The following SNX10 variants were observed in gnomAD, a reference collection of about 807,000 sequenced individuals.
The protein encoded by SNX10 is sorting nexin-10.
SNX10 carries 25 observed loss-of-function variants against 28.5 expected under a neutral mutation model. The ratio of observed to expected loss-of-function variants is 0.88; its 90% CI spans 0.64 to 1.22. SNX10 has a LOEUF of 1.22. Among genes scored for constraint, SNX10 ranks in the 50% most tolerant of loss-of-function variants. The pLI, the probability that SNX10 is intolerant of heterozygous loss-of-function variation, is 0.00. For synonymous variants in SNX10, 62 were observed against 81.4 expected, an observed-to-expected ratio of 0.76 and a Z score of 1.28; for missense variants, 223 against 242.6, an observed-to-expected ratio of 0.92 and a Z score of 0.54.
chr7:26,355,415 A>G (rs1788780926), intron 2 of SNX10, among the ~76,000 whole-genome samples: 1 of 152,152 alleles, frequency 6.6e-6, no homozygotes, highest in Non-Finnish European at 1.5e-5. Context: ...ATTTGGGGAG[A>G]ATTTCTCTCT....
chr7:26,293,663 A>G (rs1786008780), intron 1 of SNX10, among the ~76,000 whole-genome samples: 1 of 152,198 alleles, frequency 6.6e-6, no homozygotes, highest in Admixed American at 6.5e-5. Context: ...TGTTTCTTCT[A>G]CCAGTCCATT....
chr7:26,299,931 C>T (rs1196730506), intron 1 of SNX10, among the ~76,000 whole-genome samples: 1 of 151,952 alleles, frequency 6.6e-6, no homozygotes, highest in African/African-American at 2.4e-5. Flanking sequence ...AATAGAAAAG[C>T]CGGGCATGGT....
intron 5 of SNX10, among the ~76,000 whole-genome samples, chr7:26,369,464 T>TATCTG (rs1237816635): frequency 6.6e-6 from 1 of 152,232 alleles, no homozygotes; most frequent in Non-Finnish European, 1.5e-5. Flanking sequence ...CAGAATGAAC[T>TATCTG]ATCTGACTAA....
rs34096499 is a variant in SNX10, at chr7:26,307,680, C to CT, written c.-24+15607dup. 4.8e-3 allele frequency among the ~76,000 whole-genome samples: 695 copies of CT among 144,034 alleles called. 6 individuals are homozygous for CT. Among genetic ancestry groups the CT allele is most frequent in the African/African-American group, 0.013 (523 of 39,986 alleles). The allele number at this position is 144,034 out of a possible 152,430, so 94.5% of individuals were successfully genotyped here. A position where few individuals can be genotyped will look rare whatever the true frequency, so the allele number is the denominator to read the frequency against. On this transcript the variant is annotated intron_variant, in intron 1 of 6. Coordinates refer to ENST00000338523, the MANE Select transcript of SNX10 (RefSeq NM_013322.3). ...TTGCCATGTTGCCCAGGCTAGCATT[C>CT]TTTTTTTTTTTTTAATAGTCTTTAT...
chr7:26,328,806 C>G (rs1787610714), intron 1 of SNX10, among the ~76,000 whole-genome samples: 1 of 152,228 alleles, frequency 6.6e-6, no homozygotes, highest in Non-Finnish European at 1.5e-5. Flanking sequence ...ATGTTTGTCT[C>G]CTTCTCCTGC....
At chr7:26,313,564 G>A (rs909251058) in intron 1 of SNX10, among the ~76,000 whole-genome samples, 1 of 152,092 alleles carries the variant, frequency 6.6e-6, no homozygotes, top group Non-Finnish European at 1.5e-5. Context: ...TGTTAACAAA[G>A]GGTTAAATAA....
intron 1 of SNX10, among the ~76,000 whole-genome samples, chr7:26,322,288 G>A (rs1337360557): frequency 6.6e-6 from 1 of 152,170 alleles, no homozygotes; most frequent in African/African-American, 2.4e-5. Context: ...GCACAGGATT[G>A]CTAACTTTTT....
chr7:26,363,399 G>A lies in SNX10; in HGVS notation c.112-1136G>A, dbSNP rs1220463970. The stretch of plus-strand genomic sequence containing the variant: ...ATTTCCCAAGGAAAACAATCGCTGG[G>A]CATATTAAGTGATAGAATAATAATT... On this transcript the variant is annotated intron_variant, in intron 3 of 6. Transcript: ENST00000338523. Among the ~76,000 whole-genome samples the A allele has an allele frequency of 3.3e-5, 5 of 152,258 alleles. 1 individual carries two copies. In the South Asian group the frequency reaches 1.0e-3, roughly 32 times the overall value.
intron 1 of SNX10, among the ~76,000 whole-genome samples, chr7:26,338,130 T>TC (rs1788010810): frequency 7.4e-6 from 1 of 134,498 alleles, no homozygotes; most frequent in South Asian, 2.6e-4. Context: ...TTTTTTTTTT[T>TC]CTGTGAGACA....
At chr7:26,363,149 A>G (rs1335313298) in intron 3 of SNX10, among the ~76,000 whole-genome samples, 2 of 152,160 alleles carry the variant, frequency 1.3e-5, no homozygotes, top group Non-Finnish European at 2.9e-5. Context: ...CTGGTGTGTT[A>G]TAAGTCCACC....
In SNX10 at chr7:26,345,636, T is replaced by C. The variant is rs143007436; in HGVS notation, c.-23-784T>C. Among the ~76,000 whole-genome samples, 13 of 152,236 alleles carry C rather than the reference T, an allele frequency of 8.5e-5. 1 individual carries two copies. In the East Asian group the frequency reaches 2.5e-3, roughly 29 times the overall value. On this transcript the variant is annotated intron_variant, in intron 1 of 6. Coordinates refer to ENST00000338523, the MANE Select transcript of SNX10 (RefSeq NM_013322.3). ...CTCTGGGAATACGTGTGGGGGATAA[T>C]AGGGACCCGGAAAGTGGGCTCAGAC...
Position 26,298,946 on chromosome 7 carries a change from C to T in SNX10, c.-24+6860C>T, listed in dbSNP as rs540095866. 5.3e-5 allele frequency among the ~76,000 whole-genome samples: 8 copies of T among 152,318 alleles called. 1 individual carries two copies. In the South Asian group the frequency reaches 1.7e-3, roughly 32 times the overall value. Reference sequence around the variant, plus strand: ...TTTTAACCTCATCTAAACCTAATCACCCCATCAGAGGCCCTGTTTCCAAAT... The same window carrying T: ...TTTTAACCTCATCTAAACCTAATCATCCCATCAGAGGCCCTGTTTCCAAAT... On this transcript the variant is annotated intron_variant, in intron 1 of 6. Transcript: ENST00000338523.
At chr7:26,353,460 T>TGCG (rs1554359912) in intron 2 of SNX10, among the ~76,000 whole-genome samples, 8 of 83,434 alleles carry the variant, frequency 9.6e-5, no homozygotes, top group South Asian at 5.0e-4. Context: ...TTTTTTTTTT[T>TGCG]GGTGGGGAGA....
chr7:26,365,297 G>A, intron 5 of SNX10, 152 bp downstream of exon 5: 3 of 547,402 alleles, frequency 5.5e-6, no homozygotes, highest in Middle Eastern at 2.9e-4. Flanking sequence ...CTATATTAGA[G>A]CACCATCTTG....
chr7:26,361,040 T>G lies in SNX10; in HGVS notation c.90T>G (p.Ile30Met). 1 of 1,604,508 alleles carries G rather than the reference T, an allele frequency of 6.2e-7. No individual in the cohort carries two copies. The highest frequency in any genetic ancestry group is 2.2e-5 in the East Asian group (1 of 44,762). ...AGGAGGACTTCTGGCATTCTTACATTGACTATGAGATATGTATTCATGTAA... is the reference window on the plus strand; with the variant it reads ...AGGAGGACTTCTGGCATTCTTACATGGACTATGAGATATGTATTCATGTAA... ...IQKEDFWHSY[I>M]DYEICIHTNS... The change falls in exon 3 of 7, where the codon ATT becomes ATG. Residue 30 changes from isoleucine to methionine, a missense_variant. By Grantham distance (10) the Ile-to-Met change is conservative. Coordinates refer to ENST00000338523, the MANE Select transcript of SNX10 (RefSeq NM_013322.3).
chr7:26,325,568 C>T (rs919553822), intron 1 of SNX10, among the ~76,000 whole-genome samples: 1 of 149,230 alleles, frequency 6.7e-6, no homozygotes, highest in Non-Finnish European at 1.5e-5. Flanking sequence ...AGTGATCCGC[C>T]TGCCTCGGCC....
rs78600367 is a variant in SNX10 at position 26,338,793 on chromosome 7, G to T, written c.-23-7627G>T. Among the ~76,000 whole-genome samples, 1,189 of 152,220 alleles carry T rather than the reference G, an allele frequency of 7.8e-3. 14 individuals carry two copies. Among genetic ancestry groups the T allele is most frequent in the African/African-American group, 0.017 (690 of 41,520 alleles). On this transcript the variant is annotated intron_variant, in intron 1 of 6. Coordinates refer to ENST00000338523, the MANE Select transcript of SNX10 (RefSeq NM_013322.3). ...CAGGTTGGAGATGGAATCGTAGGGG[G>T]GTCAAAATGAGGTTTTCTTCCTGTC...
At chr7:26,361,197 C>G in intron 3 of SNX10, 136 bp downstream of exon 3, 1 of 833,408 alleles carries the variant, frequency 1.2e-6, no homozygotes, top group South Asian at 2.2e-5. Context: ...ATGCTTTTAT[C>G]TTACATGAAC....
At chr7:26,300,850 C>A (rs1195673923) in intron 1 of SNX10, among the ~76,000 whole-genome samples, 1 of 151,894 alleles carries the variant, frequency 6.6e-6, no homozygotes, top group African/African-American at 2.4e-5. Context: ...GAAACCCCAT[C>A]TCTACTAAAA....
Sources: allele counts gnomAD v4.1 joint callset (sites outside exome capture counted in the v4.1 genomes callset), GRCh38; gene constraint gnomAD v4.1.1; transcripts MANE v1.5; gene names NCBI Gene and HGNC (gene_info 2026-07-23, HGNC 2026-07-21).